MECOM: variants seen among roughly 807,000 people sequenced by gnomAD.
The protein encoded by MECOM is histone-lysine N-methyltransferase MECOM.
A neutral mutation model predicts 116.3 loss-of-function variants in MECOM; 13 were observed. The observed-to-expected ratio is 0.11, with a 90% CI of 0.07 to 0.18. The LOEUF (loss-of-function observed/expected upper bound fraction) is 0.18. Ranked by LOEUF, MECOM falls within the 10% of genes least tolerant of loss-of-function variation. The pLI, the probability that MECOM is intolerant of heterozygous loss-of-function variation, is 1.00. For missense variants in MECOM, 1,299 were observed against 1,509.0 expected, an observed-to-expected ratio of 0.86 and a Z score of 2.31; for synonymous variants, 528 against 535.2, an observed-to-expected ratio of 0.99 and a Z score of 0.19.
At chr3:169,486,199 T>C (rs186506932) in intron 1 of MECOM, among the ~76,000 whole-genome samples, 14 of 151,514 alleles carry the variant, frequency 9.2e-5, no homozygotes, top group Admixed American at 3.3e-4. Context: ...AACAAAATTA[T>C]ATTCAACCCA....
chr3:169,522,071 T>A (rs1293931474), intron 1 of MECOM, among the ~76,000 whole-genome samples: 1 of 152,174 alleles, frequency 6.6e-6, no homozygotes, highest in African/African-American at 2.4e-5. Context: ...GGTCCTGGAA[T>A]CAATCCTTCA....
At chr3:169,240,729 G>T (rs1318557385) in intron 2 of MECOM, among the ~76,000 whole-genome samples, 2 of 152,152 alleles carry the variant, frequency 1.3e-5, no homozygotes, top group Admixed American at 6.5e-5. Flanking sequence ...ATGCCATTTT[G>T]TGCCTCTACC....
intron 13 of MECOM, 35 bp downstream of exon 13, chr3:169,095,041 G>A (rs1009085628): frequency 4.1e-6 from 6 of 1,469,164 alleles, no homozygotes; most frequent in Non-Finnish European, 5.4e-6. Flanking sequence ...CGAAAAAGAA[G>A]TCATCTTTGA....
intron 2 of MECOM, among the ~76,000 whole-genome samples, chr3:169,253,391 C>CTTTTTTTTTTTTTTTTTTTTTTTT (rs11434116): frequency 6.9e-6 from 1 of 144,738 alleles, no homozygotes; most frequent in African/African-American, 2.5e-5. Context: ...CTGTTTAGTT[C>CTTTTTTTTTTTTTTTTTTTTTTTT]TTTTTTTTTT....
At chr3:169,096,710 C>G (rs1262595645) in intron 12 of MECOM, among the ~76,000 whole-genome samples, 1 of 152,202 alleles carries the variant, frequency 6.6e-6, no homozygotes, top group Non-Finnish European at 1.5e-5. Flanking sequence ...GAAGTCACCC[C>G]ATTCCACTAG....
intron 2 of MECOM, among the ~76,000 whole-genome samples, chr3:169,308,142 G>T (rs1718053525): frequency 6.6e-6 from 1 of 152,148 alleles, no homozygotes; most frequent in East Asian, 1.9e-4. Flanking sequence ...ATACGTAAAT[G>T]TGTTGACTTG....
intron 3 of MECOM, chr3:169,131,799 T>C: frequency 1.4e-6 from 1 of 723,836 alleles, no homozygotes; most frequent in Non-Finnish European, 1.9e-6. Flanking sequence ...AATGCAAGGC[T>C]AGCTGCGTCA....
intron 1 of MECOM, among the ~76,000 whole-genome samples, chr3:169,424,413 C>G (rs1740301375): frequency 6.6e-6 from 1 of 152,106 alleles, no homozygotes; most frequent in Admixed American, 6.6e-5. Flanking sequence ...GTGCATTTCT[C>G]TAAGTCTACC....
intron 1 of MECOM, among the ~76,000 whole-genome samples, chr3:169,579,420 C>G (rs1248006463): frequency 1.3e-5 from 2 of 152,116 alleles, no homozygotes; most frequent in African/African-American, 4.8e-5. Flanking sequence ...TCATCTCTTT[C>G]CCACAGCAGA....
Position 169,122,704 on chromosome 3 carries a change from T to A in MECOM, c.854A>T (p.His285Leu). 1 of 1,613,956 alleles carries A rather than the reference T, an allele frequency of 6.2e-7. No individual in the cohort carries two copies. Among genetic ancestry groups the A allele is most frequent in the South Asian group, 1.1e-5 (1 of 91,046 alleles). Residue 285 changes from histidine (H) to leucine (L), a missense_variant, in exon 6 of 17, where the codon CAT becomes CTT. This residue lies in a region of MECOM where 374 missense variants were observed against 433.4 expected (regional missense o/e 0.86). Coordinates refer to ENST00000651503, the MANE Select transcript of MECOM (RefSeq NM_004991.4). Reference sequence around the variant, plus strand: ...ACACTTGTATTCCCTCTCTTCAGTATGTGACAGCATGTGTTTCTCCAGGCT... The same window carrying A: ...ACACTTGTATTCCCTCTCTTCAGTAAGTGACAGCATGTGTTTCTCCAGGCT... The part of the protein sequence containing the change: ...LQSLEKHMLS[H>L]TEEREYKCDQ...
chr3:169,447,563 T>C (rs1032259965), intron 1 of MECOM, among the ~76,000 whole-genome samples: 2 of 152,216 alleles, frequency 1.3e-5, no homozygotes, highest in African/African-American at 4.8e-5. Context: ...CCAGGTACCA[T>C]GTTAATTTCT....
At chr3:169,651,293 C>T (rs1774881300) in intron 1 of MECOM, among the ~76,000 whole-genome samples, 1 of 152,120 alleles carries the variant, frequency 6.6e-6, no homozygotes, top group Admixed American at 6.6e-5. Flanking sequence ...GTTTTTAATT[C>T]TGTTTATGTA....
At chr3:169,291,165 C>T (rs986798870) in intron 2 of MECOM, among the ~76,000 whole-genome samples, 3 of 152,094 alleles carry the variant, frequency 2.0e-5, no homozygotes, top group Admixed American at 2.0e-4. Context: ...AGTAGTCCAA[C>T]ATCATCCTCC....
intron 3 of MECOM, among the ~76,000 whole-genome samples, chr3:169,132,133 C>T (rs1403332296): frequency 1.3e-5 from 2 of 152,246 alleles, no homozygotes; most frequent in African/African-American, 2.4e-5. Flanking sequence ...GGCCCAGCTC[C>T]TGATCCTCTC....
chr3:169,585,957 C>T (rs1765725799), intron 1 of MECOM, among the ~76,000 whole-genome samples: 1 of 152,202 alleles, frequency 6.6e-6, no homozygotes, highest in Non-Finnish European at 1.5e-5. Flanking sequence ...TTAATTCTAA[C>T]ATTTTTGTCT....
chr3:169,469,447 A>T (rs2108777144), intron 1 of MECOM, among the ~76,000 whole-genome samples: 1 of 152,288 alleles, frequency 6.6e-6, no homozygotes, highest in South Asian at 2.1e-4. Context: ...CAGCAAAATA[A>T]CCTATGAGTG....
chr3:169,506,064 G>C (rs539748043), intron 1 of MECOM, among the ~76,000 whole-genome samples: 389 of 152,288 alleles, frequency 2.6e-3, no homozygotes, highest in Admixed American at 5.6e-3. Context: ...AAATGTTGCC[G>C]TTCTGAAGAG....
chr3:169,174,131 AT>A (rs1400185247), intron 2 of MECOM, among the ~76,000 whole-genome samples: 1 of 152,166 alleles, frequency 6.6e-6, no homozygotes, highest in East Asian at 1.9e-4. Context: ...ACTCCCAGTG[AT>A]GGGCATTTTG....
rs150530093 is a variant in MECOM at position 169,160,158 on chromosome 3, A to G, written c.376-16326T>C. Among the ~76,000 whole-genome samples the G allele has an allele frequency of 3.4e-3, 524 of 152,308 alleles. 3 individuals are homozygous for G. The highest frequency in any genetic ancestry group is 0.012 in the African/African-American group (484 of 41,580). ...AGGCAGCAATTTGCTTCTGAGAAAC[A>G]GAGATGGAAACATATAGAGCCAGAG... is the stretch of plus-strand genomic sequence containing the variant. On this transcript the variant is annotated intron_variant, in intron 2 of 16. Coordinates refer to ENST00000651503, the MANE Select transcript of MECOM (RefSeq NM_004991.4).
Sources: gnomAD v4.1 joint callset for allele counts (sites outside exome capture counted in the v4.1 genomes callset) on GRCh38, gnomAD v4.1.1 for gene constraint, gnomAD v4.1.1 regional missense constraint, MANE v1.5 for transcripts, NCBI Gene and HGNC (gene_info 2026-07-23, HGNC 2026-07-21) for gene names.